CDH15: variants seen among roughly 807,000 people sequenced by gnomAD.
CDH15 encodes cadherin-15.
In CDH15, 73 loss-of-function variants were observed where a neutral mutation model predicts 69.4. The ratio of observed to expected loss-of-function variants is 1.05; its 90% CI spans 0.87 to 1.28. The LOEUF (loss-of-function observed/expected upper bound fraction) is 1.28. Among genes scored for constraint, CDH15 ranks in the 50% most tolerant of loss-of-function variants. The pLI, the probability that CDH15 is intolerant of heterozygous loss-of-function variation, is 0.00. For synonymous variants in CDH15, 624 were observed against 507.7 expected (o/e 1.23, Z -3.08); for missense variants, 1,343 against 1,133.6 (o/e 1.18, Z -2.65).
chr16:89,181,984 G>A (rs1213775522), intron 3 of CDH15, among the ~76,000 whole-genome samples: 1 of 151,026 alleles, frequency 6.6e-6, no homozygotes, highest in African/African-American at 2.4e-5. Flanking sequence ...AGGAAGAGGA[G>A]GAGAAGAAGA....
intron 12 of CDH15, 37 bp downstream of exon 12, chr16:89,193,643 G>A (rs1915711953): frequency 1.3e-6 from 2 of 1,571,718 alleles, no homozygotes; most frequent in Non-Finnish European, 1.7e-6. Flanking sequence ...GGGTCCCCAA[G>A]GAACCCAGGT....
chr16:89,193,969 CAT>C (rs1030610883), intron 13 of CDH15, 56 bp downstream of exon 13: 29 of 1,565,156 alleles, frequency 1.9e-5, no homozygotes, highest in Middle Eastern at 1.7e-4. Flanking sequence ...TGCACACACA[CAT>C]GCACATGTAC....
intron 7 of CDH15, 79 bp from the exon 8 acceptor site, chr16:89,190,164 A>T: frequency 6.5e-7 from 1 of 1,546,338 alleles, no homozygotes; most frequent in Non-Finnish European, 8.8e-7. Context: ...AGACCCAAGG[A>T]GTGGCTCCCC....
intron 3 of CDH15, among the ~76,000 whole-genome samples, chr16:89,181,635 T>C (rs1301924542): frequency 6.7e-6 from 1 of 148,610 alleles, no homozygotes; most frequent in Non-Finnish European, 1.5e-5. Flanking sequence ...AGACCCTCTC[T>C]CAAAAAAAAA....
Position 89,193,415 on chromosome 16 carries a change from C to T in CDH15, c.1856-55C>T. On this transcript the variant is annotated intron_variant, in intron 11 of 13. Coordinates refer to ENST00000289746, the MANE Select transcript of CDH15 (RefSeq NM_004933.3). Reference sequence around the variant, plus strand: ...TCCTCCCACCTCCTTCGCAGCCCGGCCCCCTGAAGTCGCGCCCTGTGCCTG... The same window carrying T: ...TCCTCCCACCTCCTTCGCAGCCCGGTCCCCTGAAGTCGCGCCCTGTGCCTG... The T allele has an allele frequency of 4.6e-6, 7 of 1,511,088 alleles. No individual in the cohort carries two copies. In the South Asian group the frequency reaches 4.9e-5, roughly 11 times the overall value. The allele number at this position is 1,511,088 out of a possible 1,614,324, so 93.6% of individuals were successfully genotyped here.
rs1915333016 is a variant in CDH15, at chr16:89,179,681, G to A, written c.201+107G>A. 3.4e-6 allele frequency: 4 copies of A among 1,178,980 alleles called. No homozygotes were observed. The South Asian group carries it at 6.2e-5, about 18-fold the overall frequency. 73.0% of individuals were successfully genotyped at this position (1,178,980 alleles called of 1,614,324 possible). ...GGGAGCCAGCGGGGCCCCATTTCAGGACAGAGCTGAGGCAGGACTCGCCCA... is the reference window on the plus strand; with the variant it reads ...GGGAGCCAGCGGGGCCCCATTTCAGAACAGAGCTGAGGCAGGACTCGCCCA... On this transcript the variant is annotated intron_variant, in intron 2 of 13. Transcript: ENST00000289746.
chr16:89,184,308 C>T (rs987813533), intron 4 of CDH15, among the ~76,000 whole-genome samples: 15 of 152,172 alleles, frequency 9.9e-5, no homozygotes, highest in African/African-American at 2.2e-4. Flanking sequence ...CCAGCTGTCC[C>T]GGGGGGAAGT....
At chr16:89,189,263 A>T (rs1473273920) in intron 7 of CDH15, among the ~76,000 whole-genome samples, 1 of 134,120 alleles carries the variant, frequency 7.5e-6, no homozygotes, top group Admixed American at 7.3e-5. Flanking sequence ...GCCCACACAC[A>T]TGCCCACACA....
chr16:89,193,567 C>T lies in CDH15; in HGVS notation c.1953C>T (p.Val651=), dbSNP rs1265767545. 3 of 1,609,812 alleles carry T rather than the reference C, an allele frequency of 1.9e-6. No homozygotes were observed. The highest frequency in any genetic ancestry group is 2.2e-5 in the South Asian group (2 of 90,330). ...HGPQDDLRDN[V]LNYDEQGGGE... ...CCCAGGACGACCTTCGAGACAATGT[C>T]CTCAACTACGATGAGCAAGGAGGCG... The change falls in exon 12 of 14, where the codon GTC becomes GTT. Residue 651 remains valine, a synonymous_variant. Coordinates refer to ENST00000289746, the MANE Select transcript of CDH15 (RefSeq NM_004933.3).
chr16:89,185,143 T>C, intron 4 of CDH15, 30 bp from the exon 5 acceptor site: 1 of 1,568,472 alleles, frequency 6.4e-7, no homozygotes, highest in Non-Finnish European at 8.6e-7. Context: ...CCTGTGGACG[T>C]TGGCCCTCAC....
chr16:89,174,218 C>T (rs1459295267), intron 1 of CDH15, among the ~76,000 whole-genome samples: 3 of 152,214 alleles, frequency 2.0e-5, no homozygotes, highest in Non-Finnish European at 2.9e-5. Flanking sequence ...ATGCTCCAGC[C>T]GCTCTGGGCC....
chr16:89,192,697 C>G (rs1915680798), intron 11 of CDH15, among the ~76,000 whole-genome samples: 1 of 37,690 alleles, frequency 2.7e-5, no homozygotes, highest in African/African-American at 1.3e-4. Context: ...ACCAGCCACG[C>G]CGCTTCCTCC....
chr16:89,177,252 C>T (rs796159857), intron 1 of CDH15, among the ~76,000 whole-genome samples: 2 of 152,128 alleles, frequency 1.3e-5, no homozygotes, highest in South Asian at 2.1e-4. Flanking sequence ...GGTCGGGGTA[C>T]CCTCGCCAAG....
At position 89,191,867 on chromosome 16, in the gene CDH15, C is replaced by T. The variant is rs747187785; in HGVS notation, c.1588C>T (p.Arg530Trp). ...GAGCCCCAGGCTCCCAGAGCTCGGC[C>T]GGAACTGGAGCCTCAGCCAGGTCAA... ...QLSPRLPELGRNWSLSQVNVS... is the reference protein window; with the variant it reads ...QLSPRLPELGWNWSLSQVNVS... The change falls in exon 10 of 14, where the codon CGG (arginine) becomes TGG (tryptophan). Residue 530 changes from arginine (R) to tryptophan (W), a missense_variant. Transcript: ENST00000289746. 6 of 1,592,664 alleles carry T rather than the reference C, an allele frequency of 3.8e-6. No individual in the cohort carries two copies. Among genetic ancestry groups the T allele is most frequent in the Middle Eastern group, 1.7e-4 (1 of 5,718 alleles).
At chr16:89,179,241 C>T (rs932281494) in intron 1 of CDH15, among the ~76,000 whole-genome samples, 175 bp from the exon 2 acceptor site, 1 of 152,218 alleles carries the variant, frequency 6.6e-6, no homozygotes, top group African/African-American at 2.4e-5. Flanking sequence ...GTGCCTTTGC[C>T]CTTGTGCTAC....
chr16:89,191,943 C>T (rs1915656296), intron 10 of CDH15, 49 bp downstream of exon 10: 3 of 1,487,064 alleles, frequency 2.0e-6, no homozygotes, highest in Non-Finnish European at 2.7e-6. Context: ...GCTCCCCCCA[C>T]CCCCACATTC....
chr16:89,189,094 C>A (rs1035953170), intron 7 of CDH15, among the ~76,000 whole-genome samples: 1 of 146,620 alleles, frequency 6.8e-6, no homozygotes, highest in African/African-American at 2.5e-5. Flanking sequence ...CACACAGATG[C>A]CCACACACAG....
intron 8 of CDH15, 135 bp downstream of exon 8, chr16:89,190,631 A>T: frequency 8.6e-7 from 1 of 1,163,810 alleles, no homozygotes; most frequent in Non-Finnish European, 1.2e-6. Flanking sequence ...GAAGGTCTGG[A>T]GGGTCTCGAG....
At chr16:89,172,875 C>T (rs1430566572) in intron 1 of CDH15, among the ~76,000 whole-genome samples, 1 of 152,192 alleles carries the variant, frequency 6.6e-6, no homozygotes, top group Non-Finnish European at 1.5e-5. Context: ...GCGGTGCTCA[C>T]AGTATTCATT....
Sources: gnomAD v4.1 joint callset for allele counts (sites outside exome capture counted in the v4.1 genomes callset) on GRCh38, gnomAD v4.1.1 for gene constraint, MANE v1.5 for transcripts, NCBI Gene and HGNC (gene_info 2026-07-23, HGNC 2026-07-21) for gene names.